Variants in NLGN4X observed in about 807,000 individuals in gnomAD.
NLGN4X encodes the protein neuroligin-4, X-linked.
A neutral mutation model predicts 40.3 loss-of-function variants in NLGN4X; 3 were observed. That is an observed-to-expected ratio of 0.07 (90% confidence interval 0.03 to 0.19). The LOEUF (loss-of-function observed/expected upper bound fraction) is 0.19, where lower values mean the gene tolerates loss of function less well. Among genes scored for constraint, NLGN4X ranks in the 10% least tolerant of loss-of-function variants. The pLI is 1.00. For missense variants in NLGN4X, 382 were observed against 708.3 expected, an observed-to-expected ratio of 0.54 and a Z score of 5.23; for synonymous variants, 270 against 306.8, an observed-to-expected ratio of 0.88 and a Z score of 1.25.
chrX:6,157,374 G>A lies in NLGN4X; in HGVS notation c.-305-5603C>T, dbSNP rs144155942. 9.3e-3 allele frequency among the ~76,000 whole-genome samples: 1,038 copies of A among 111,968 alleles called. 8 individuals are homozygous for A. Among genetic ancestry groups the A allele is most frequent in the African/African-American group, 0.032 (996 of 30,848 alleles). ...CCAGCCAAGACGAATTGGATAAGAG[G>A]ATATTCCACAGATAGGAAAGACAAA... is the stretch of plus-strand genomic sequence containing the variant. On this transcript the variant is annotated intron_variant, in intron 1 of 5. Coordinates refer to ENST00000381095, the MANE Select transcript of NLGN4X (RefSeq NM_181332.3).
intron 2 of NLGN4X, among the ~76,000 whole-genome samples, chrX:6,102,143 A>G (rs1336997076): frequency 9.0e-6 from 1 of 111,503 alleles, no homozygotes; most frequent in African/African-American, 3.3e-5. Context: ...AAAATAATAT[A>G]ATTTGATTGT....
intron 1 of NLGN4X, among the ~76,000 whole-genome samples, chrX:6,164,387 C>G (rs2040459147): frequency 8.9e-6 from 1 of 112,175 alleles, no homozygotes; most frequent in African/African-American, 3.2e-5. Context: ...TGAGTGAGTT[C>G]TTCTACAAAG....
At chrX:6,026,667 G>C (rs1404167944) in intron 3 of NLGN4X, among the ~76,000 whole-genome samples, 2 of 111,502 alleles carry the variant, frequency 1.8e-5, no homozygotes, top group Non-Finnish European at 3.8e-5. Flanking sequence ...TCTGTAGTGT[G>C]CTTGGCTGTT....
In NLGN4X at chrX:6,014,758, C is replaced by A. The variant is rs190582369; in HGVS notation, c.625+14522G>T. 1.3e-3 allele frequency among the ~76,000 whole-genome samples: 148 copies of A among 111,570 alleles called. 2 individuals carry two copies. The highest frequency in any genetic ancestry group is 4.7e-3 in the African/African-American group (145 of 30,709). ...TGCAACAACCTTCTAACCTAATGCC[C>A]CTTTACATAGACAGCCATTTCCTTT... On this transcript the variant is annotated intron_variant, in intron 3 of 5. Transcript: ENST00000381095.
At chrX:6,064,043 G>C (rs2037839166) in intron 2 of NLGN4X, among the ~76,000 whole-genome samples, 1 of 111,077 alleles carries the variant, frequency 9.0e-6, no homozygotes, top group Non-Finnish European at 1.9e-5. Context: ...TACCATAATT[G>C]AATCAACATT....
intron 2 of NLGN4X, among the ~76,000 whole-genome samples, chrX:6,042,726 T>TACACAC (rs1330799612): frequency 1.4e-4 from 4 of 28,312 alleles, no homozygotes; most frequent in African/African-American, 5.6e-4. Flanking sequence ...TATATATATA[T>TACACAC]ATATACACAC....
chrX:6,097,093 G>C (rs1363033600), intron 2 of NLGN4X, among the ~76,000 whole-genome samples: 4 of 110,472 alleles, frequency 3.6e-5, no homozygotes, highest in Non-Finnish European at 7.6e-5. Context: ...CTCTTATTAG[G>C]TGTACACAAA....
intron 1 of NLGN4X, among the ~76,000 whole-genome samples, chrX:6,224,799 A>T (rs781749290): frequency 9.3e-4 from 101 of 108,113 alleles, no homozygotes; most frequent in African/African-American, 3.2e-3. Context: ...AAGCATCTTT[A>T]AAACTGCATC....
chrX:5,935,752 A>G (rs1160141921), intron 3 of NLGN4X, among the ~76,000 whole-genome samples: 1 of 111,917 alleles, frequency 8.9e-6, no homozygotes, highest in East Asian at 2.8e-4. Context: ...ATCAGTGAAC[A>G]CAAATAAACT....
At chrX:6,123,001 A>T (rs1481518605) in intron 2 of NLGN4X, among the ~76,000 whole-genome samples, 33 of 109,374 alleles carry the variant, frequency 3.0e-4, no homozygotes, top group Non-Finnish European at 1.9e-4. Flanking sequence ...TAGAAGTGTT[A>T]CCAGTCCTAT....
intron 3 of NLGN4X, among the ~76,000 whole-genome samples, chrX:5,923,379 G>A (rs1025328973): frequency 4.4e-5 from 5 of 112,547 alleles, no homozygotes; most frequent in Admixed American, 9.4e-5. Flanking sequence ...AAGCTCAAGC[G>A]ATCTGCCTGC....
intron 2 of NLGN4X, among the ~76,000 whole-genome samples, chrX:6,030,647 T>C (rs2036834476): frequency 9.0e-6 from 1 of 110,971 alleles, no homozygotes; most frequent in African/African-American, 3.3e-5. Context: ...AGACACGACA[T>C]ACCCATTGGT....
At chrX:6,180,732 A>G (rs1200250539) in intron 1 of NLGN4X, among the ~76,000 whole-genome samples, 2 of 111,503 alleles carry the variant, frequency 1.8e-5, no homozygotes, top group Non-Finnish European at 3.8e-5. Flanking sequence ...GTACTAAAAA[A>G]AAATGTCTCA....
intron 3 of NLGN4X, among the ~76,000 whole-genome samples, chrX:6,001,993 T>C (rs2035982789): frequency 9.0e-6 from 1 of 111,519 alleles, no homozygotes; most frequent in Non-Finnish European, 1.9e-5. Flanking sequence ...AAAGAACTAG[T>C]AGGATCTCTC....
intron 1 of NLGN4X, among the ~76,000 whole-genome samples, chrX:6,208,284 G>A (rs868307039): frequency 8.9e-6 from 1 of 112,003 alleles, no homozygotes; most frequent in Non-Finnish European, 1.9e-5. Flanking sequence ...GCTGCATTTC[G>A]TTCTGCACTT....
intron 5 of NLGN4X, among the ~76,000 whole-genome samples, chrX:5,900,574 TTTTTTTTTTTTTTTTA>T (rs1484973145): frequency 1.5e-5 from 1 of 68,678 alleles, no homozygotes; most frequent in African/African-American, 4.5e-5. Context: ...TTTTTTTTTT[TTTTTTTTTTTTTTTTA>T]AAGATAAAGG....
intron 2 of NLGN4X, among the ~76,000 whole-genome samples, chrX:6,148,576 C>T (rs932409171): frequency 9.1e-6 from 1 of 110,434 alleles, no homozygotes; most frequent in Non-Finnish European, 1.9e-5. Flanking sequence ...AGTGCAATGG[C>T]GCGATTGTGG....
intron 3 of NLGN4X, among the ~76,000 whole-genome samples, chrX:5,960,288 T>C (rs1343659725): frequency 1.9e-5 from 2 of 106,097 alleles, no homozygotes; most frequent in Non-Finnish European, 3.9e-5. Flanking sequence ...AAAAGAAATA[T>C]GTGCAAATGA....
chrX:6,172,463 T>C (rs1423748623), intron 1 of NLGN4X, among the ~76,000 whole-genome samples: 2 of 112,237 alleles, frequency 1.8e-5, no homozygotes, highest in African/African-American at 3.2e-5. Context: ...CATTAAAGTT[T>C]TGTCCATTGG....
Sources: allele counts gnomAD v4.1 joint callset (sites outside exome capture counted in the v4.1 genomes callset), GRCh38; gene constraint gnomAD v4.1.1; transcripts MANE v1.5; gene names NCBI Gene and HGNC (gene_info 2026-07-23, HGNC 2026-07-21).